Variants in PIGL observed in about 807,000 individuals in gnomAD.
PIGL encodes the protein phosphatidylinositol glycan anchor biosynthesis class L, also known as N-acetylglucosaminyl-phosphatidylinositol de-N-acetylase.
PIGL carries 22 observed loss-of-function variants against 31.1 expected under a neutral mutation model. The observed-to-expected ratio is 0.71, with a 90% CI of 0.51 to 1.01. The LOEUF (loss-of-function observed/expected upper bound fraction) is 1.01. Among genes scored for constraint, PIGL ranks in the 50% least tolerant of loss-of-function variants. PIGL has a pLI of 0.00. For synonymous variants in PIGL, 131 were observed against 117.4 expected (o/e 1.12, Z -0.75); for missense variants, 302 against 315.9 (o/e 0.96, Z 0.33).
chr17:16,242,329 A>G lies in PIGL; in HGVS notation c.335+8259A>G, dbSNP rs141860329. ...CTTCCCAAAGTGCTGATATTACAGC[A>G]TGAGCCACCATTCCCAGTCTATATA... On this transcript the variant is annotated intron_variant, in intron 2 of 6. Transcript: ENST00000225609. Among the ~76,000 whole-genome samples the G allele has an allele frequency of 8.8e-4, 134 of 152,276 alleles. 3 individuals are homozygous for G. Among genetic ancestry groups the G allele is most frequent in the African/African-American group, 3.0e-3 (124 of 41,572 alleles).
At chr17:16,254,394 G>A (rs1041311947) in intron 2 of PIGL, among the ~76,000 whole-genome samples, 1 of 151,686 alleles carries the variant, frequency 6.6e-6, no homozygotes, top group African/African-American at 2.4e-5. Context: ...TCAGCCTCCC[G>A]AGTAGCTGGG....
chr17:16,229,444 C>T (rs1677868340), intron 1 of PIGL, among the ~76,000 whole-genome samples: 1 of 145,982 alleles, frequency 6.9e-6, no homozygotes, highest in African/African-American at 2.5e-5. Flanking sequence ...CTTCTATGAA[C>T]ATTGGTGTAC....
chr17:16,290,114 G>T (rs1286170436), intron 2 of PIGL, among the ~76,000 whole-genome samples: 1 of 145,370 alleles, frequency 6.9e-6, no homozygotes, highest in Admixed American at 7.0e-5. Context: ...TTTTTTTTGA[G>T]ACGGAGACTT....
In PIGL at chr17:16,243,049, GTGTT is replaced by G. The variant is rs200154298; in HGVS notation, c.335+8993_335+8996del. On this transcript the variant is annotated intron_variant, in intron 2 of 6. Coordinates refer to ENST00000225609, the MANE Select transcript of PIGL (RefSeq NM_004278.4). ...CCATTAACTGTGTTGTTACTGGTGT[GTGTT>G]TGTTTGTTTGTTTATGAGACGGAGT... 5.5e-3 allele frequency among the ~76,000 whole-genome samples: 831 copies of G among 152,238 alleles called. 8 individuals carry two copies. Among genetic ancestry groups the G allele is most frequent in the African/African-American group, 0.019 (782 of 41,544 alleles).
chr17:16,289,477 C>A (rs1329494651), intron 2 of PIGL, among the ~76,000 whole-genome samples: 1 of 152,212 alleles, frequency 6.6e-6, no homozygotes, highest in African/African-American at 2.4e-5. Context: ...CTGTTTTAGG[C>A]AGACTTAACT....
chr17:16,217,481 G>C lies in PIGL; in HGVS notation c.235+20G>C. The C allele has an allele frequency of 6.3e-7, 1 of 1,577,770 alleles. No individual in the cohort carries two copies. The highest frequency in any genetic ancestry group is 8.7e-7 in the Non-Finnish European group (1 of 1,147,386). On this transcript the variant is annotated intron_variant, in intron 1 of 6. Coordinates refer to ENST00000225609, the MANE Select transcript of PIGL (RefSeq NM_004278.4). ...CTGCAGGTAGGAGGCCATAGGAGGG[G>C]CGATGGGAGCCGGGGCTTTGAAAGG... is the stretch of plus-strand genomic sequence containing the variant.
Position 16,217,222 on chromosome 17 carries a change from C to A in PIGL, c.-5C>A. ...ACTGCGCAGGCTCAGTGCTGCTTAC[C>A]CATCATGGAAGCAATGTGGCTCCTG... On this transcript the variant is annotated 5_prime_UTR_variant, in exon 1 of 7. Coordinates refer to ENST00000225609, the MANE Select transcript of PIGL (RefSeq NM_004278.4). 2 of 1,612,774 alleles carry A rather than the reference C, an allele frequency of 1.2e-6. No individual in the cohort carries two copies. The highest frequency in any genetic ancestry group is 1.7e-6 in the Non-Finnish European group (2 of 1,178,788).
intron 2 of PIGL, among the ~76,000 whole-genome samples, chr17:16,271,816 C>T (rs1427012560): frequency 6.6e-6 from 1 of 152,218 alleles, no homozygotes; most frequent in African/African-American, 2.4e-5. Context: ...AGGCGTGAAC[C>T]ACTGTGCCCG....
chr17:16,270,394 G>A (rs1301691222), intron 2 of PIGL, among the ~76,000 whole-genome samples: 2 of 151,666 alleles, frequency 1.3e-5, no homozygotes, highest in Non-Finnish European at 2.9e-5. Context: ...TAATTTTGCA[G>A]TTTTCCTAGA....
At chr17:16,229,439 A>G (rs1294537615) in intron 1 of PIGL, among the ~76,000 whole-genome samples, 3 of 147,326 alleles carry the variant, frequency 2.0e-5, no homozygotes, top group Admixed American at 6.8e-5. Context: ...TAATGCTTCT[A>G]TGAACATTGG....
At position 16,234,053 on chromosome 17, in the gene PIGL, A is replaced by G. The variant is rs1402498472; in HGVS notation, c.318A>G (p.Val106=). 1 of 1,580,090 alleles carries G rather than the reference A, an allele frequency of 6.3e-7. No individual in the cohort carries two copies. Among genetic ancestry groups the G allele is most frequent in the Admixed American group, 1.7e-5 (1 of 59,800 alleles). Reference sequence around the variant, plus strand: ...TTTTGGGGATTCCACTCTCCAGTGTAATGATTATTGACAACAGGTAATATA... The same window carrying G: ...TTTTGGGGATTCCACTCTCCAGTGTGATGATTATTGACAACAGGTAATATA... ...CDVLGIPLSS[V]MIIDNRDFPD... The change falls in exon 2 of 7, where the codon GTA becomes GTG. Residue 106 remains valine, a synonymous_variant. Transcript: ENST00000225609.
At chr17:16,289,424 A>C (rs1011056767) in intron 2 of PIGL, among the ~76,000 whole-genome samples, 1 of 152,218 alleles carries the variant, frequency 6.6e-6, no homozygotes, top group African/African-American at 2.4e-5. Flanking sequence ...CTTTACTTGG[A>C]TAAAACCTGG....
intron 2 of PIGL, among the ~76,000 whole-genome samples, chr17:16,235,043 T>G (rs1245795326): frequency 6.6e-6 from 1 of 152,196 alleles, no homozygotes; most frequent in Non-Finnish European, 1.5e-5. Flanking sequence ...CTTTTGTGTA[T>G]ATGAAACATT....
At chr17:16,316,749 C>T in intron 5 of PIGL, 37 bp downstream of exon 5, 1 of 1,605,764 alleles carries the variant, frequency 6.2e-7, no homozygotes, top group Non-Finnish European at 8.5e-7. Flanking sequence ...CCACAAGATA[C>T]TGTCCCTCTG....
At chr17:16,295,907 T>C (rs941129282) in intron 2 of PIGL, among the ~76,000 whole-genome samples, 2 of 152,050 alleles carry the variant, frequency 1.3e-5, no homozygotes, top group Admixed American at 1.3e-4. Flanking sequence ...TGCCATTGCA[T>C]TCCAGCCTAG....
chr17:16,254,674 G>A (rs181104732), intron 2 of PIGL, among the ~76,000 whole-genome samples: 9 of 150,558 alleles, frequency 6.0e-5, no homozygotes, highest in Non-Finnish European at 1.3e-4. Context: ...GCGCTATCTC[G>A]ACTCACTGCA....
chr17:16,310,418 TTTGC>T (rs200632270), intron 3 of PIGL, among the ~76,000 whole-genome samples: 1,765 of 152,152 alleles, frequency 0.012, 13 homozygotes, highest in Non-Finnish European at 0.019. Context: ...AACCAGAGTG[TTTGC>T]TTGCCTGAAA....
chr17:16,245,747 TACACACACATATATATATACATAC>T (rs2092742839), intron 2 of PIGL, among the ~76,000 whole-genome samples: 2 of 150,434 alleles, frequency 1.3e-5, no homozygotes, highest in Admixed American at 1.3e-4. Context: ...CACATATATA[TACACACACATATATATATACATAC>T]ACACACACAT....
intron 2 of PIGL, among the ~76,000 whole-genome samples, chr17:16,271,418 A>G (rs2092871563): frequency 6.6e-6 from 1 of 152,222 alleles, no homozygotes; most frequent in Non-Finnish European, 1.5e-5. Context: ...TTGTCCTGCA[A>G]ATAGGTACGT....
Sources: allele counts gnomAD v4.1 joint callset (sites outside exome capture counted in the v4.1 genomes callset), GRCh38; gene constraint gnomAD v4.1.1; transcripts MANE v1.5; gene names NCBI Gene and HGNC (gene_info 2026-07-23, HGNC 2026-07-21).